RIMS2: variants seen among roughly 807,000 people sequenced by gnomAD.
RIMS2 encodes regulating synaptic membrane exocytosis protein 2.
A neutral mutation model predicts 174.4 loss-of-function variants in RIMS2; 59 were observed. The ratio of observed to expected loss-of-function variants is 0.34; its 90% CI spans 0.27 to 0.42. The LOEUF (loss-of-function observed/expected upper bound fraction) is 0.42, where lower values mean the gene tolerates loss of function less well. Among genes scored for constraint, RIMS2 ranks in the 10% least tolerant of loss-of-function variants. The pLI, the probability that RIMS2 is intolerant of heterozygous loss-of-function variation, is 1.00. For synonymous variants in RIMS2, 606 were observed against 572.5 expected, an observed-to-expected ratio of 1.06 and a Z score of -0.84; for missense variants, 1,620 against 1,666.3, an observed-to-expected ratio of 0.97 and a Z score of 0.48.
rs530208670 is a variant in RIMS2, at chr8:104,010,031, C to CGGAT, written c.3045-3408_3045-3407insTGGA. ...ATGGATGGACGGACGGATGGACGGACGGACGGATGACAGGCAATAACATTG... is the reference window on the plus strand; with the variant it reads ...ATGGATGGACGGACGGATGGACGGACGGATGGACGGATGACAGGCAATAACATTG... On this transcript the variant is annotated intron_variant, in intron 17 of 23. Transcript: ENST00000504942. Among the ~76,000 whole-genome samples, 215 of 151,528 alleles carry CGGAT rather than the reference C, an allele frequency of 1.4e-3. 1 individual carries two copies. Among genetic ancestry groups the CGGAT allele is most frequent in the Non-Finnish European group, 2.2e-3 (147 of 67,774 alleles).
chr8:103,985,014 T>C (rs1014842904), intron 16 of RIMS2, among the ~76,000 whole-genome samples: 3 of 152,096 alleles, frequency 2.0e-5, no homozygotes, highest in Non-Finnish European at 4.4e-5. Flanking sequence ...AGATGGAGAC[T>C]AGTAGGATGA....
rs527885950 is a variant in RIMS2 at position 103,802,376 on chromosome 8, A to G, written c.698+35839A>G. On this transcript the variant is annotated intron_variant, in intron 3 of 23. Transcript: ENST00000504942. ...TGTGCATAGTGGACTGTGGGAGTACATTGCCTCTAGTTGGGCTTTTATGGT... is the reference window on the plus strand; with the variant it reads ...TGTGCATAGTGGACTGTGGGAGTACGTTGCCTCTAGTTGGGCTTTTATGGT... Among the ~76,000 whole-genome samples the G allele has an allele frequency of 7.2e-5, 11 of 152,296 alleles. No individual in the cohort carries two copies. The East Asian group carries it at 2.1e-3, about 29-fold the overall frequency.
chr8:103,657,314 C>T (rs35465599), intron 1 of RIMS2, among the ~76,000 whole-genome samples: 2,904 of 152,224 alleles, frequency 0.019, 46 homozygotes, highest in Non-Finnish European at 0.03. Flanking sequence ...GGTTGCTACA[C>T]CAGTGGAAGA....
rs565582458 is a variant in RIMS2, at chr8:104,208,926, T to A, written c.3335-35990T>A. Among the ~76,000 whole-genome samples the A allele has an allele frequency of 3.9e-5, 6 of 152,182 alleles. No individual in the cohort carries two copies. The East Asian group carries it at 9.7e-4, about 25-fold the overall frequency. On this transcript the variant is annotated intron_variant, in intron 19 of 23. Transcript: ENST00000504942. Reference sequence around the variant, plus strand: ...ATTTAAGTGAAGCTGAAAAGAAAAATTACGTAATTTTAAGATTTAATACAG... The same window carrying A: ...ATTTAAGTGAAGCTGAAAAGAAAAAATACGTAATTTTAAGATTTAATACAG...
At chr8:104,195,545 CTCTCTGTCA>C (rs2099019855) in intron 19 of RIMS2, among the ~76,000 whole-genome samples, 1 of 140,408 alleles carries the variant, frequency 7.1e-6, no homozygotes, top group Non-Finnish European at 1.5e-5. Context: ...GAAAGAATCT[CTCTCTGTCA>C]GCCAGGCTGG....
At chr8:104,185,362 A>T (rs963941336) in intron 19 of RIMS2, among the ~76,000 whole-genome samples, 2 of 151,608 alleles carry the variant, frequency 1.3e-5, no homozygotes, top group African/African-American at 4.8e-5. Context: ...AGAGCTATTC[A>T]ACATGCCAAA....
At chr8:103,856,537 T>C (rs936217070) in intron 3 of RIMS2, among the ~76,000 whole-genome samples, 1 of 152,226 alleles carries the variant, frequency 6.6e-6, no homozygotes, top group Non-Finnish European at 1.5e-5. Flanking sequence ...TGTAACTGAT[T>C]AATTTGTCAA....
At chr8:103,952,696 G>A (rs561550517) in intron 14 of RIMS2, among the ~76,000 whole-genome samples, 22 of 152,204 alleles carry the variant, frequency 1.4e-4, no homozygotes, top group African/African-American at 5.1e-4. Context: ...AAACCAGAAC[G>A]CTTCTTCTCC....
chr8:103,912,959 C>CTTTTT (rs763813911), intron 6 of RIMS2, among the ~76,000 whole-genome samples: 2 of 135,704 alleles, frequency 1.5e-5, no homozygotes, highest in Admixed American at 7.4e-5. Flanking sequence ...CTCTAGCAAA[C>CTTTTT]TTTTTTTGTT....
At chr8:103,734,143 G>A (rs1019330362) in intron 2 of RIMS2, among the ~76,000 whole-genome samples, 2 of 148,270 alleles carry the variant, frequency 1.3e-5, no homozygotes, top group African/African-American at 5.0e-5. Flanking sequence ...CTCCCAAGTA[G>A]CTGGGGCTAC....
intron 19 of RIMS2, among the ~76,000 whole-genome samples, chr8:104,124,474 G>T (rs1332340066): frequency 6.6e-6 from 1 of 151,960 alleles, no homozygotes; most frequent in African/African-American, 2.4e-5. Context: ...GCCTCTACCA[G>T]GGTTCTCAAA....
At chr8:104,181,495 T>C (rs990580099) in intron 19 of RIMS2, among the ~76,000 whole-genome samples, 1 of 151,630 alleles carries the variant, frequency 6.6e-6, no homozygotes, top group African/African-American at 2.4e-5. Context: ...TAATTTCATA[T>C]TATGTATCCC....
At chr8:103,603,108 T>A (rs1347178386) in intron 1 of RIMS2, among the ~76,000 whole-genome samples, 1 of 151,000 alleles carries the variant, frequency 6.6e-6, no homozygotes, top group Non-Finnish European at 1.5e-5. Flanking sequence ...TAACTCGTCA[T>A]CTAGCATTAG....
chr8:103,831,257 C>A (rs1178274271), intron 3 of RIMS2, among the ~76,000 whole-genome samples: 1 of 152,078 alleles, frequency 6.6e-6, no homozygotes, highest in Non-Finnish European at 1.5e-5. Context: ...CATTTACTCC[C>A]CCTTCCAAAT....
intron 16 of RIMS2, among the ~76,000 whole-genome samples, chr8:103,989,008 C>T (rs2094529970): frequency 6.6e-6 from 1 of 152,110 alleles, no homozygotes; most frequent in Admixed American, 6.5e-5. Context: ...TACTAGAGAC[C>T]TGGTAGTCAT....
intron 3 of RIMS2, among the ~76,000 whole-genome samples, chr8:103,796,551 C>T (rs1328578355): frequency 6.6e-6 from 1 of 152,008 alleles, no homozygotes; most frequent in African/African-American, 2.4e-5. Flanking sequence ...TTTCCTTTCC[C>T]CTATAATCTA....
intron 17 of RIMS2, among the ~76,000 whole-genome samples, chr8:104,006,626 TTCTCTCTCTCTCTCTCTCTCTCTCTCTC>T (rs55665972): frequency 1.4e-5 from 2 of 138,114 alleles, no homozygotes; most frequent in Non-Finnish European, 3.1e-5. Flanking sequence ...AGTGATCTAT[TTCTCTCTCTCTCTCTCTCTCTCTCTCTC>T]TCTCTCTCTC....
At chr8:103,538,479 C>T (rs1304847359) in intron 1 of RIMS2, among the ~76,000 whole-genome samples, 4 of 141,890 alleles carry the variant, frequency 2.8e-5, no homozygotes, top group African/African-American at 7.7e-5. Flanking sequence ...ATCCCTCGCC[C>T]CCCTCCACTC....
chr8:103,767,756 G>T (rs2098193458), intron 3 of RIMS2, among the ~76,000 whole-genome samples: 1 of 152,148 alleles, frequency 6.6e-6, no homozygotes, highest in Admixed American at 6.6e-5. Flanking sequence ...AGAAAACAAT[G>T]ACTGCACCAG....
Sources: gnomAD v4.1 joint callset for allele counts (sites outside exome capture counted in the v4.1 genomes callset) on GRCh38, gnomAD v4.1.1 for gene constraint, MANE v1.5 for transcripts, NCBI Gene and HGNC (gene_info 2026-07-23, HGNC 2026-07-21) for gene names.